Variants in PLAAT3 observed in about 807,000 individuals in gnomAD.
PLAAT3 encodes Ca-independent phospholipase A1/2.
Under a neutral mutation model 16.7 loss-of-function variants are expected in PLAAT3, and 21 were observed. That is an observed-to-expected ratio of 1.26 (90% CI 0.89 to 1.81). PLAAT3 has a LOEUF of 1.81. PLAAT3 is among the 40% of genes most tolerant of loss of function. The pLI is 0.00. For synonymous variants in PLAAT3, 76 were observed against 81.7 expected (o/e 0.93, Z 0.38); for missense variants, 219 against 213.7 (o/e 1.02, Z -0.16).
At chr11:63,596,237 CAAAAAAAAAAAAAAA>C (rs56081443) in intron 3 of PLAAT3, among the ~76,000 whole-genome samples, 2 of 40,710 alleles carry the variant, frequency 4.9e-5, no homozygotes, top group Non-Finnish European at 8.5e-5. Context: ...GAGACTCTGT[CAAAAAAAAAAAAAAA>C]AAAAAAAAAA....
intron 2 of PLAAT3, among the ~76,000 whole-genome samples, chr11:63,607,169 G>A (rs1009939813): frequency 6.6e-6 from 1 of 152,202 alleles, no homozygotes; most frequent in Non-Finnish European, 1.5e-5. Context: ...ACTGGGAGGC[G>A]GGATGGGGCT....
At chr11:63,612,210 CTATAT>C (rs558624605) in intron 2 of PLAAT3, among the ~76,000 whole-genome samples, 93 of 152,188 alleles carry the variant, frequency 6.1e-4, no homozygotes, top group African/African-American at 1.8e-3. Flanking sequence ...TGGGGTCTTG[CTATAT>C]TACCCAGGGT....
chr11:63,590,078 G>A, intron 4 of PLAAT3, 22 bp downstream of exon 4: 1 of 1,605,982 alleles, frequency 6.2e-7, no homozygotes, highest in Non-Finnish European at 8.5e-7. Context: ...CCTGGGGAAG[G>A]CGACACAGGC....
At chr11:63,601,126 C>A (rs1938418483) in intron 2 of PLAAT3, among the ~76,000 whole-genome samples, 1 of 147,232 alleles carries the variant, frequency 6.8e-6, no homozygotes, top group Non-Finnish European at 1.5e-5. Flanking sequence ...ACGATCTCGG[C>A]TCACTGCAAG....
At chr11:63,614,136 G>A (rs2064292119) in intron 1 of PLAAT3, 68 bp from the exon 2 acceptor site, 3 of 1,386,804 alleles carry the variant, frequency 2.2e-6, no homozygotes, top group Admixed American at 1.8e-5. Flanking sequence ...CCACGGGACT[G>A]CGGCTTCTGT....
intron 4 of PLAAT3, among the ~76,000 whole-genome samples, chr11:63,586,183 G>C (rs1402032886): frequency 1.3e-5 from 2 of 152,156 alleles, no homozygotes; most frequent in Admixed American, 1.3e-4. Context: ...GCCCAGGCTG[G>C]AGTACACTGG....
chr11:63,600,623 G>C (rs937697917), intron 2 of PLAAT3, among the ~76,000 whole-genome samples: 1 of 116,888 alleles, frequency 8.6e-6, no homozygotes, highest in African/African-American at 3.9e-5. Context: ...TTTTGTTTGA[G>C]ACAGACTCTC....
chr11:63,604,682 G>A (rs1938513195), intron 2 of PLAAT3, among the ~76,000 whole-genome samples: 1 of 151,968 alleles, frequency 6.6e-6, no homozygotes, highest in Non-Finnish European at 1.5e-5. Flanking sequence ...AGAATCGCTT[G>A]AACCTGAGAA....
chr11:63,602,951 C>T (rs553625975), intron 2 of PLAAT3, among the ~76,000 whole-genome samples: 3 of 152,134 alleles, frequency 2.0e-5, no homozygotes, highest in East Asian at 3.9e-4. Context: ...AAATTAGCCA[C>T]GCCTGTTGGC....
At chr11:63,608,632 G>A (rs1938624148) in intron 2 of PLAAT3, 1 of 152,186 alleles carries the variant, frequency 6.6e-6, no homozygotes, top group Non-Finnish European at 1.5e-5. Flanking sequence ...GGCTATGCAG[G>A]AAGCATTCCA....
At chr11:63,594,898 G>A (rs113457369) in intron 3 of PLAAT3, among the ~76,000 whole-genome samples, 8 of 151,790 alleles carry the variant, frequency 5.3e-5, no homozygotes, top group African/African-American at 1.7e-4. Context: ...AGGGGGTGGG[G>A]GTACATGGGT....
intron 3 of PLAAT3, among the ~76,000 whole-genome samples, chr11:63,592,117 C>G (rs994307155): frequency 6.6e-6 from 1 of 152,154 alleles, no homozygotes; most frequent in South Asian, 2.1e-4. Context: ...CAAATACACA[C>G]TAAAATTGAT....
intron 4 of PLAAT3, among the ~76,000 whole-genome samples, chr11:63,588,563 A>C (rs1938045812): frequency 6.6e-6 from 1 of 152,200 alleles, no homozygotes. Flanking sequence ...ATTCCCCAGA[A>C]GAAAGCTCTT....
chr11:63,610,571 C>T (rs574004337), intron 2 of PLAAT3, among the ~76,000 whole-genome samples: 4 of 152,302 alleles, frequency 2.6e-5, no homozygotes, highest in African/African-American at 9.6e-5. Context: ...AGGCCTGAAG[C>T]CCCAACTGCT....
At chr11:63,602,028 C>T (rs1938445503) in intron 2 of PLAAT3, among the ~76,000 whole-genome samples, 1 of 148,162 alleles carries the variant, frequency 6.7e-6, no homozygotes, top group African/African-American at 2.5e-5. Flanking sequence ...TGGCTCATAC[C>T]TGTAATCTCA....
intron 2 of PLAAT3, among the ~76,000 whole-genome samples, chr11:63,605,195 G>A (rs1387699255): frequency 6.6e-6 from 1 of 152,066 alleles, no homozygotes; most frequent in Admixed American, 6.6e-5. Flanking sequence ...AAGAGTGCGA[G>A]ACCAGCCTGG....
intron 2 of PLAAT3, among the ~76,000 whole-genome samples, chr11:63,609,062 T>C (rs1938632474): frequency 6.6e-6 from 1 of 152,210 alleles, no homozygotes; most frequent in African/African-American, 2.4e-5. Flanking sequence ...GTTGTCATTA[T>C]TTTTGATTTG....
intron 2 of PLAAT3, among the ~76,000 whole-genome samples, chr11:63,605,081 T>A (rs778074140): frequency 6.6e-6 from 1 of 152,078 alleles, no homozygotes; most frequent in South Asian, 2.1e-4. Flanking sequence ...CAACATTTTA[T>A]CACGAAAAAT....
intron 2 of PLAAT3, among the ~76,000 whole-genome samples, chr11:63,602,840 C>T (rs1938465037): frequency 2.6e-5 from 4 of 152,132 alleles, no homozygotes; most frequent in Admixed American, 2.6e-4. Context: ...TGCCTGTAAT[C>T]CCAGAACTTT....
Sources: allele counts gnomAD v4.1 joint callset (sites outside exome capture counted in the v4.1 genomes callset), GRCh38; gene constraint gnomAD v4.1.1; transcripts MANE v1.5; gene names NCBI Gene and HGNC (gene_info 2026-07-23, HGNC 2026-07-21).